Variants in TMCO5A observed in about 807,000 individuals in gnomAD.
The protein encoded by TMCO5A is transmembrane and coiled-coil domain-containing protein 5A.
A neutral mutation model predicts 42.3 loss-of-function variants in TMCO5A; 34 were observed. The ratio of observed to expected loss-of-function variants is 0.80; its 90% CI spans 0.61 to 1.07. TMCO5A has a LOEUF of 1.07. TMCO5A is among the 50% of genes least tolerant of loss of function. TMCO5A has a pLI of 0.00. For synonymous variants in TMCO5A, 131 were observed against 115.6 expected, an observed-to-expected ratio of 1.13 and a Z score of -0.86; for missense variants, 357 against 327.9, an observed-to-expected ratio of 1.09 and a Z score of -0.69.
At chr15:37,984,856 A>G in the TMCO5A span, 1 of 151,898 alleles carries the variant, frequency 6.6e-6, no homozygotes, top group Non-Finnish European at 1.5e-5. Flanking sequence ...TCTGTTGTTT[A>G]TAACTCACCC....
the TMCO5A span, among the ~76,000 whole-genome samples, chr15:38,008,415 T>G: frequency 3.9e-5 from 6 of 152,278 alleles, no homozygotes; most frequent in Non-Finnish European, 8.8e-5. Context: ...ATCAACATTT[T>G]CTAAAGTCAT....
the TMCO5A span, among the ~76,000 whole-genome samples, chr15:37,974,244 G>T: frequency 1.5e-4 from 23 of 152,252 alleles, no homozygotes; most frequent in Admixed American, 1.4e-3. Context: ...TCTGTGCCAG[G>T]TTTTGGTATC....
chr15:37,982,541 ATAT>A, the TMCO5A span, among the ~76,000 whole-genome samples: 14 of 140,720 alleles, frequency 9.9e-5, no homozygotes, highest in South Asian at 4.2e-4. Context: ...TAGATATTAT[ATAT>A]TATTATGATA....
rs1890152360 is a variant in TMCO5A at position 37,951,348 on chromosome 15, G to A, written c.*114G>A. 1 of 1,011,502 alleles carries A rather than the reference G, an allele frequency of 9.9e-7. No homozygotes were observed. The highest frequency in any genetic ancestry group is 2.3e-5 in the Admixed American group (1 of 43,344). 62.7% of individuals were successfully genotyped at this position (1,011,502 alleles called of 1,614,324 possible). On this transcript the variant is annotated 3_prime_UTR_variant, in exon 12 of 12. Coordinates refer to ENST00000319669, the MANE Select transcript of TMCO5A (RefSeq NM_152453.4). ...TGCTTCAGTTTTTTCCTCACCGTTT[G>A]CCTGCTTGACTACCTTCTGTCACCA... is the stretch of plus-strand genomic sequence containing the variant.
At chr15:37,999,288 A>G in the TMCO5A span, among the ~76,000 whole-genome samples, 1 of 152,134 alleles carries the variant, frequency 6.6e-6, no homozygotes, top group Non-Finnish European at 1.5e-5. Flanking sequence ...TTTTATTTGT[A>G]GCTATTGTAA....
chr15:38,013,215 G>A, the TMCO5A span, among the ~76,000 whole-genome samples: 1 of 152,128 alleles, frequency 6.6e-6, no homozygotes, highest in African/African-American at 2.4e-5. Flanking sequence ...TCACAAAGAA[G>A]CCACCTTTCC....
the TMCO5A span, among the ~76,000 whole-genome samples, chr15:38,015,049 T>C: frequency 6.6e-6 from 1 of 151,476 alleles, no homozygotes; most frequent in Non-Finnish European, 1.5e-5. Context: ...GAGAAAGATG[T>C]AGACTGCGAG....
At chr15:37,964,742 A>T (rs1323017956) in intron 11 of TMCO5A, among the ~76,000 whole-genome samples, 1 of 152,204 alleles carries the variant, frequency 6.6e-6, no homozygotes, top group African/African-American at 2.4e-5. Context: ...AATGTAAAAC[A>T]CTGATGAAAG....
At chr15:38,003,274 T>G in the TMCO5A span, among the ~76,000 whole-genome samples, 1 of 144,670 alleles carries the variant, frequency 6.9e-6, no homozygotes, top group African/African-American at 2.9e-5. Context: ...CTCTCCCCAC[T>G]TGAAGCTAGG....
At chr15:37,990,013 T>C in the TMCO5A span, among the ~76,000 whole-genome samples, 1 of 152,106 alleles carries the variant, frequency 6.6e-6, no homozygotes, top group African/African-American at 2.4e-5. Context: ...ATCTCTCTTT[T>C]TAAATCTATT....
the TMCO5A span, among the ~76,000 whole-genome samples, chr15:37,983,136 A>T: frequency 1.4e-4 from 22 of 152,266 alleles, no homozygotes; most frequent in South Asian, 3.9e-3. Context: ...GTGTCAGCAG[A>T]CCCAGAAAGA....
Position 37,943,412 on chromosome 15 carries a change from T to C in TMCO5A, c.627+14T>C, listed in dbSNP as rs749897599. On this transcript the variant is annotated intron_variant, in intron 10 of 11. Transcript: ENST00000319669. ...CAAAATAATGAGGTAAACACTCCAT[T>C]CTCTCTTCAGCTCCTCACAGTGTCA... 3 of 1,611,770 alleles carry C rather than the reference T, an allele frequency of 1.9e-6. No homozygotes were observed. The South Asian group carries it at 3.3e-5, about 18-fold the overall frequency.
chr15:38,019,862 C>A, the TMCO5A span, among the ~76,000 whole-genome samples: 1 of 151,902 alleles, frequency 6.6e-6, no homozygotes, highest in African/African-American at 2.4e-5. Context: ...AATCCTCTAG[C>A]CTCTGTCTCC....
the TMCO5A span, among the ~76,000 whole-genome samples, chr15:38,036,492 TCTCTCACA>T: frequency 0.014 from 1,193 of 86,836 alleles, 16 homozygotes; most frequent in African/African-American, 0.066. Flanking sequence ...TGTCTCTCTC[TCTCTCACA>T]CACACACACA....
chr15:38,014,357 A>C, the TMCO5A span, among the ~76,000 whole-genome samples: 1 of 152,184 alleles, frequency 6.6e-6, no homozygotes, highest in South Asian at 2.1e-4. Flanking sequence ...TCAAGACACC[A>C]AGATACGATC....
chr15:37,975,245 T>C, the TMCO5A span, among the ~76,000 whole-genome samples: 1 of 152,216 alleles, frequency 6.6e-6, no homozygotes, highest in African/African-American at 2.4e-5. Context: ...CTGTTAAGTG[T>C]ATGTTAGGCC....
At chr15:37,993,350 T>G in the TMCO5A span, 1 of 149,580 alleles carries the variant, frequency 6.7e-6, no homozygotes, top group Non-Finnish European at 1.5e-5. Context: ...TTTCTCCTCC[T>G]TCCCCAGGGT....
At chr15:37,969,857 T>C (rs1394829267), downstream of TMCO5A, among the ~76,000 whole-genome samples, 1 of 152,210 alleles carries the variant, frequency 6.6e-6, no homozygotes, top group African/African-American at 2.4e-5. Flanking sequence ...GCAAAGGACA[T>C]AATCTTGTTC....
the TMCO5A span, among the ~76,000 whole-genome samples, chr15:38,039,530 T>G: frequency 6.6e-6 from 1 of 152,234 alleles, no homozygotes; most frequent in African/African-American, 2.4e-5. Context: ...GACTCCTATA[T>G]GAGTCAAGCA....
Sources: allele counts gnomAD v4.1 joint callset (sites outside exome capture counted in the v4.1 genomes callset), GRCh38; gene constraint gnomAD v4.1.1; transcripts MANE v1.5; gene names NCBI Gene and HGNC (gene_info 2026-07-23, HGNC 2026-07-21).